The following LCA5L variants were observed in gnomAD, a reference collection of about 807,000 sequenced individuals.
LCA5L encodes the protein lebercilin LCA5 like, also known as lebercilin-like protein.
In LCA5L, 35 loss-of-function variants were observed where a neutral mutation model predicts 45.4. The observed-to-expected ratio is 0.77, with a 90% CI of 0.59 to 1.02. The LOEUF is 1.02. Ranked by LOEUF, LCA5L falls within the 50% of genes least tolerant of loss-of-function variation. LCA5L has a pLI of 0.00. For synonymous variants in LCA5L, 233 were observed against 264.7 expected (o/e 0.88, Z 1.16); for missense variants, 668 against 761.6 (o/e 0.88, Z 1.45).
Position 39,410,068 on chromosome 21 carries a change from T to C in LCA5L, c.1193A>G (p.His398Arg), listed in dbSNP as rs970766892. The C allele has an allele frequency of 6.2e-6, 10 of 1,611,250 alleles. No homozygotes were observed. The African/African-American group carries it at 9.3e-5, about 15-fold the overall frequency. The stretch of plus-strand genomic sequence containing the variant: ...ATTTATTTCAGTTGATTTTTCTTTA[T>C]GATCGATGTTTCCTGTTGCCTTTTT... The part of the protein sequence containing the change: ...KGKKATGNID[H>R]KEKSTEINHE... The change falls in exon 10 of 11, where the codon CAT becomes CGT. Residue 398 changes from histidine (H) to arginine (R), a missense_variant. Physicochemically the swap from His to Arg is conservative, Grantham distance 29. Coordinates refer to ENST00000288350, the MANE Select transcript of LCA5L (RefSeq NM_152505.4).
chr21:39,416,359 T>C (rs2041155014), intron 7 of LCA5L, among the ~76,000 whole-genome samples: 1 of 152,250 alleles, frequency 6.6e-6, no homozygotes, highest in Non-Finnish European at 1.5e-5. Context: ...TCCCCATCTT[T>C]GGCCAGTAAG....
intron 8 of LCA5L, 130 bp downstream of exon 8, chr21:39,411,588 G>A (rs1162226651): frequency 2.0e-6 from 1 of 489,368 alleles, no homozygotes; most frequent in Non-Finnish European, 3.7e-6. Flanking sequence ...TATTCTTCTA[G>A]AATCACAAAA....
intron 7 of LCA5L, among the ~76,000 whole-genome samples, chr21:39,419,526 AAAAAAAAAAG>A (rs964715517): frequency 2.7e-5 from 4 of 146,376 alleles, no homozygotes; most frequent in African/African-American, 1.1e-4. Context: ...CCCTGTTCAA[AAAAAAAAAAG>A]AAAAAAGAAA....
In LCA5L at chr21:39,411,781, T is replaced by G. The variant is rs2040123157; in HGVS notation, c.997A>C (p.Ile333Leu). The change falls in exon 8 of 11, where the codon ATT (isoleucine) becomes CTT (leucine). Residue 333 changes from isoleucine to leucine, a missense_variant. Physicochemically the swap from Ile to Leu is conservative, Grantham distance 5. Transcript: ENST00000288350. ...ATTCGATGACTATAGATGTTTTTAA[T>G]TTCAAGCTCACGATCCTTTTCCTAA... ...KLKEKDRELEIKNIYSHRILK... is the reference protein window; with the variant it reads ...KLKEKDRELELKNIYSHRILK... The G allele has an allele frequency of 6.3e-7, 1 of 1,589,444 alleles. No individual in the cohort carries two copies. Among genetic ancestry groups the G allele is most frequent in the African/African-American group, 1.3e-5 (1 of 74,388 alleles).
chr21:39,410,424 G>A (rs527303385), intron 8 of LCA5L, 57 bp from the exon 9 acceptor site: 3 of 894,704 alleles, frequency 3.4e-6, no homozygotes, highest in East Asian at 5.0e-5. Context: ...ATACAATATT[G>A]ATTTTAAACA....
intron 8 of LCA5L, among the ~76,000 whole-genome samples, chr21:39,410,663 G>A (rs1292667582): frequency 2.6e-5 from 4 of 152,162 alleles, no homozygotes; most frequent in Admixed American, 6.5e-5. Flanking sequence ...CAAGGTAGAC[G>A]TGTAATTGTG....
In LCA5L at chr21:39,409,933, A is replaced by G; in HGVS notation, c.1282+46T>C. The G allele has an allele frequency of 8.8e-7, 1 of 1,138,888 alleles. No homozygotes were observed. The highest frequency in any genetic ancestry group is 1.3e-5 in the South Asian group (1 of 75,358). The allele number at this position is 1,138,888 out of a possible 1,614,324, so 70.5% of individuals were successfully genotyped here. A position where few individuals can be genotyped will look rare whatever the true frequency, so the allele number is the denominator to read the frequency against. On this transcript the variant is annotated intron_variant, in intron 10 of 10. Transcript: ENST00000288350. The surrounding 1 kb of genome is among the most constrained non-coding windows in gnomAD (Gnocchi z 4.2). Reference sequence around the variant, plus strand: ...TTATATACACATATAGTAATTCACAATTTTAAAGAAATCAGATAAGATAGA... The same window carrying G: ...TTATATACACATATAGTAATTCACAGTTTTAAAGAAATCAGATAAGATAGA...
intron 2 of LCA5L, among the ~76,000 whole-genome samples, chr21:39,442,144 C>CT (rs767320195): frequency 3.3e-5 from 5 of 152,124 alleles, no homozygotes; most frequent in African/African-American, 1.2e-4. Flanking sequence ...GAAGTACTGT[C>CT]TGAGTTGAGA....
rs925469798 is a variant in LCA5L, at chr21:39,433,713, T to C, written c.-92+1707A>G. Among the ~76,000 whole-genome samples, 3 of 151,892 alleles carry C rather than the reference T, an allele frequency of 2.0e-5. No individual in the cohort carries two copies. In the South Asian group the frequency reaches 6.2e-4, roughly 31 times the overall value. ...TTCTGTGCTCTCTATACTGTTCTACTGATCTGTTTCTCTATATTCATACCA... is the reference window on the plus strand; with the variant it reads ...TTCTGTGCTCTCTATACTGTTCTACCGATCTGTTTCTCTATATTCATACCA... On this transcript the variant is annotated intron_variant, in intron 3 of 10. Transcript: ENST00000288350.
In LCA5L at chr21:39,428,508, T is replaced by C; in HGVS notation, c.-10-5A>G. On this transcript the variant is annotated splice_polypyrimidine_tract_variant and splice_region_variant and intron_variant, in intron 4 of 10. Coordinates refer to ENST00000288350, the MANE Select transcript of LCA5L (RefSeq NM_152505.4). ...GCCAAAGACATAGCAAACAACCTAA[T>C]AAAAGAAAAGTAAAACCTAATAAAA... 6.8e-7 allele frequency: 1 copy of C among 1,465,104 alleles called. No homozygotes were observed. Among genetic ancestry groups the C allele is most frequent in the Non-Finnish European group, 9.0e-7 (1 of 1,105,322 alleles). 90.8% of individuals were successfully genotyped at this position (1,465,104 alleles called of 1,614,324 possible).
chr21:39,429,940 A>T (rs1407465745), intron 3 of LCA5L, among the ~76,000 whole-genome samples: 2 of 152,168 alleles, frequency 1.3e-5, no homozygotes, highest in Non-Finnish European at 2.9e-5. Context: ...GCTTGAGTCC[A>T]GGAGGCAGAG....
chr21:39,420,386 G>A (rs573173545), intron 7 of LCA5L, among the ~76,000 whole-genome samples: 1 of 152,064 alleles, frequency 6.6e-6, no homozygotes, highest in South Asian at 2.1e-4. Flanking sequence ...AGCCAAGCGT[G>A]GTGTTGCATG....
chr21:39,425,710 A>G (rs567999483), intron 5 of LCA5L, among the ~76,000 whole-genome samples: 1 of 152,286 alleles, frequency 6.6e-6, no homozygotes, highest in African/African-American at 2.4e-5. Context: ...CATGTTCTAC[A>G]CTATGGCCAG....
At chr21:39,410,843 G>T (rs1049198095) in intron 8 of LCA5L, 2 of 471,176 alleles carry the variant, frequency 4.2e-6, no homozygotes, top group African/African-American at 4.0e-5. Context: ...TATTATTCTA[G>T]ATTATAAGCC....
chr21:39,406,646 TA>T (rs1333345109), intron 10 of LCA5L, 34 bp from the exon 11 acceptor site: 6 of 1,478,500 alleles, frequency 4.1e-6, no homozygotes, highest in African/African-American at 1.4e-5. Context: ...TAGTGCTGTT[TA>T]AAATGAATGG....
In LCA5L at chr21:39,406,578, T is replaced by C; in HGVS notation, c.1317A>G (p.Gln439=). Residue 439 remains glutamine, a synonymous_variant, in exon 11 of 11, where the codon CAA becomes CAG. Coordinates refer to ENST00000288350, the MANE Select transcript of LCA5L (RefSeq NM_152505.4). ...GTCTTCCAGTATTCTCCAGCAGTAT[T>C]TGGACTTCCAAATGTTTCTCTTCCC... ...LSGEEKHLEV[Q]ILLENTGRQK... The C allele has an allele frequency of 6.3e-7, 1 of 1,594,848 alleles. No individual in the cohort carries two copies. Among genetic ancestry groups the C allele is most frequent in the Non-Finnish European group, 8.5e-7 (1 of 1,173,224 alleles).
In LCA5L at chr21:39,406,257, G is replaced by A. The variant is rs140144971; in HGVS notation, c.1638C>T (p.Ala546=). Reference sequence around the variant, plus strand: ...TACTATGACTGTACCTCATGTTGCCGGCATTGGCTGGCCCCCCTGAAGCAG... The same window carrying A: ...TACTATGACTGTACCTCATGTTGCCAGCATTGGCTGGCCCCCCTGAAGCAG... ...GLPASGGPAN[A]GNMRYSHSTG... The change falls in exon 11 of 11, where the codon GCC becomes GCT. Residue 546 remains alanine (A), a synonymous_variant. Transcript: ENST00000288350. 42 of 1,614,020 alleles carry A rather than the reference G, an allele frequency of 2.6e-5. No individual in the cohort carries two copies. Among genetic ancestry groups the A allele is most frequent in the Middle Eastern group, 1.6e-4 (1 of 6,084 alleles).
chr21:39,416,188 C>G (rs1357820729), intron 7 of LCA5L, among the ~76,000 whole-genome samples: 1 of 152,210 alleles, frequency 6.6e-6, no homozygotes, highest in African/African-American at 2.4e-5. Context: ...ATGTTTGCTT[C>G]TTGTCCTCTA....
intron 7 of LCA5L, among the ~76,000 whole-genome samples, chr21:39,417,765 T>A (rs1296131843): frequency 1.3e-5 from 2 of 151,944 alleles, no homozygotes; most frequent in East Asian, 1.9e-4. Flanking sequence ...TTTAATTTTT[T>A]AATTTTTAAT....
Sources: allele counts gnomAD v4.1 joint callset (sites outside exome capture counted in the v4.1 genomes callset), GRCh38; gene constraint gnomAD v4.1.1; non-coding constraint Gnocchi (gnomAD v3.1); transcripts MANE v1.5; gene names NCBI Gene and HGNC (gene_info 2026-07-23, HGNC 2026-07-21).